ARHGAP31: variants seen among roughly 807,000 people sequenced by gnomAD.
ARHGAP31 encodes rho GTPase-activating protein 31.
ARHGAP31 carries 34 observed loss-of-function variants against 113.9 expected under a neutral mutation model. That is an observed-to-expected ratio of 0.30 (90% CI 0.23 to 0.40). The LOEUF is 0.40. ARHGAP31 is among the 10% of genes least tolerant of loss of function. The pLI is 1.00. For synonymous variants in ARHGAP31, 650 were observed against 684.8 expected, an observed-to-expected ratio of 0.95 and a Z score of 0.79; for missense variants, 1,548 against 1,767.1, an observed-to-expected ratio of 0.88 and a Z score of 2.22.
intron 1 of ARHGAP31, among the ~76,000 whole-genome samples, chr3:119,330,663 C>T (rs2079884568): frequency 6.6e-6 from 1 of 152,216 alleles, no homozygotes; most frequent in Admixed American, 6.5e-5. Context: ...CTCATCTAAA[C>T]AGTGAAGCAA....
Position 119,390,752 on chromosome 3 carries a change from C to T in ARHGAP31, c.683-33C>T, listed in dbSNP as rs755187802. On this transcript the variant is annotated intron_variant, in intron 6 of 11. Coordinates refer to ENST00000264245, the MANE Select transcript of ARHGAP31 (RefSeq NM_020754.4). ...TGGATGGATGTGATGGGCAGGCCTC[C>T]TCCAACACTGAGCTCTTCCATTGCC... The T allele has an allele frequency of 7.9e-5, 127 of 1,605,304 alleles. No homozygotes were observed. The East Asian group carries it at 2.8e-3, about 35-fold the overall frequency.
chr3:119,308,287 T>C (rs2107596178), intron 1 of ARHGAP31, among the ~76,000 whole-genome samples: 1 of 152,342 alleles, frequency 6.6e-6, no homozygotes, highest in Non-Finnish European at 1.5e-5. Context: ...CATAACAAAT[T>C]ACCACAAACT....
rs1400666120 is a variant in ARHGAP31, at chr3:119,414,177, G to A, written c.2248G>A (p.Ala750Thr). The A allele has an allele frequency of 5.0e-6, 8 of 1,613,986 alleles. No individual in the cohort carries two copies. The highest frequency in any genetic ancestry group is 3.3e-5 in the South Asian group (3 of 91,088). Residue 750 changes from alanine (A) to threonine (T), a missense_variant, in exon 12 of 12, where the codon GCC (alanine) becomes ACC (threonine). Transcript: ENST00000264245. ...TGAGCAGGGCCTGCACCCAGACCTC[G>A]CCAGCCTGGCTCCTCTGGAAATAGT... ...EPEQGLHPDLASLAPLEIVPF... is the reference protein window; with the variant it reads ...EPEQGLHPDLTSLAPLEIVPF...
chr3:119,383,261 T>C, intron 6 of ARHGAP31, 35 bp downstream of exon 6: 3 of 1,613,074 alleles, frequency 1.9e-6, no homozygotes, highest in Non-Finnish European at 2.5e-6. Context: ...TCCACCAGCT[T>C]ATCCTTCTTT....
chr3:119,352,511 C>T (rs1386940798), intron 1 of ARHGAP31, among the ~76,000 whole-genome samples: 3 of 152,178 alleles, frequency 2.0e-5, no homozygotes, highest in East Asian at 1.9e-4. Flanking sequence ...CTTTCGTTGA[C>T]GAACCACGAG....
At chr3:119,360,089 C>CCTG (rs1240817062) in intron 1 of ARHGAP31, among the ~76,000 whole-genome samples, 1 of 152,180 alleles carries the variant, frequency 6.6e-6, no homozygotes, top group Non-Finnish European at 1.5e-5. Flanking sequence ...CTGCCTCTTC[C>CCTG]CTGCTTTCTC....
chr3:119,391,625 A>G (rs886698850), intron 7 of ARHGAP31, among the ~76,000 whole-genome samples: 3 of 102,474 alleles, frequency 2.9e-5, no homozygotes, highest in African/African-American at 1.2e-4. Context: ...CATATCCCAT[A>G]GTAGAAAGAA....
chr3:119,334,417 G>A (rs1367449720), intron 1 of ARHGAP31, among the ~76,000 whole-genome samples: 3 of 152,174 alleles, frequency 2.0e-5, no homozygotes, highest in African/African-American at 7.2e-5. Context: ...CATCCAAATA[G>A]TAGCTCTCAG....
chr3:119,391,071 G>T, intron 7 of ARHGAP31, 88 bp downstream of exon 7: 1 of 1,443,864 alleles, frequency 6.9e-7, no homozygotes. Context: ...GACCAAGATG[G>T]CAGTGTGGGT....
At chr3:119,300,887 C>G (rs1328038561) in intron 1 of ARHGAP31, among the ~76,000 whole-genome samples, 13 of 151,340 alleles carry the variant, frequency 8.6e-5, no homozygotes, top group Non-Finnish European at 2.9e-5. Context: ...ACAGCCTCAG[C>G]TGAGTCCAGC....
Position 119,388,460 on chromosome 3 carries a change from T to C in ARHGAP31, c.683-2325T>C, listed in dbSNP as rs114472271. On this transcript the variant is annotated intron_variant, in intron 6 of 11. Transcript: ENST00000264245. ...TTGTTCTCAGTGCCTTGGGAAAGCA[T>C]TGGAGGGTTTTGAGCAGGCCAGTGC... 2.1e-3 allele frequency among the ~76,000 whole-genome samples: 318 copies of C among 151,998 alleles called. 1 individual carries two copies. The highest frequency in any genetic ancestry group is 7.0e-3 in the African/African-American group (291 of 41,458).
At chr3:119,316,584 G>A in intron 1 of ARHGAP31, among the ~76,000 whole-genome samples, 1 of 152,220 alleles carries the variant, frequency 6.6e-6, no homozygotes, top group East Asian at 1.9e-4. Context: ...TGAGTTGGGG[G>A]CTGTTGGTGA....
intron 6 of ARHGAP31, among the ~76,000 whole-genome samples, chr3:119,390,306 A>C (rs927693480): frequency 1.3e-5 from 2 of 152,256 alleles, no homozygotes; most frequent in African/African-American, 4.8e-5. Context: ...AGAGGTTCTA[A>C]CTTGAAATGG....
Position 119,413,999 on chromosome 3 carries a change from G to C in ARHGAP31, c.2070G>C (p.Leu690=), listed in dbSNP as rs745829219. The C allele has an allele frequency of 6.2e-7, 1 of 1,614,120 alleles. No homozygotes were observed. Among genetic ancestry groups the C allele is most frequent in the Non-Finnish European group, 8.5e-7 (1 of 1,180,016 alleles). ...SPIQPILESS[L]GPFIPSEPPG... ...TTCAGCCTATTCTCGAGTCGAGTCT[G>C]GGGCCCTTTATTCCCTCAGAGCCTC... The change falls in exon 12 of 12, where the codon CTG becomes CTC. Residue 690 remains leucine, a synonymous_variant. Coordinates refer to ENST00000264245, the MANE Select transcript of ARHGAP31 (RefSeq NM_020754.4).
chr3:119,368,315 G>T, intron 2 of ARHGAP31, 57 bp from the exon 3 acceptor site: 1 of 1,610,342 alleles, frequency 6.2e-7, no homozygotes, highest in Non-Finnish European at 8.5e-7. Context: ...CCAAGCAGCT[G>T]CTGACATGGA....
intron 1 of ARHGAP31, among the ~76,000 whole-genome samples, chr3:119,309,326 T>C (rs912767037): frequency 6.6e-6 from 1 of 152,202 alleles, no homozygotes; most frequent in East Asian, 1.9e-4. Context: ...GTAATATGTG[T>C]TCAGCCTTGC....
intron 1 of ARHGAP31, among the ~76,000 whole-genome samples, chr3:119,299,617 A>G (rs2107591687): frequency 6.6e-6 from 1 of 152,346 alleles, no homozygotes; most frequent in Non-Finnish European, 1.5e-5. Context: ...TTCTTTATCT[A>G]TTTAACAAAT....
chr3:119,390,300 G>A (rs191535882), intron 6 of ARHGAP31, among the ~76,000 whole-genome samples: 1 of 152,336 alleles, frequency 6.6e-6, no homozygotes, highest in East Asian at 1.9e-4. Context: ...AAAAGTAGAG[G>A]TTCTAACTTG....
At chr3:119,316,764 C>A (rs527845291) in intron 1 of ARHGAP31, among the ~76,000 whole-genome samples, 18 of 152,338 alleles carry the variant, frequency 1.2e-4, no homozygotes, top group African/African-American at 4.1e-4. Context: ...CCTGCTTCAG[C>A]CAAAGAACTC....
Sources: gnomAD v4.1 joint callset for allele counts (sites outside exome capture counted in the v4.1 genomes callset) on GRCh38, gnomAD v4.1.1 for gene constraint, MANE v1.5 for transcripts, NCBI Gene and HGNC (gene_info 2026-07-23, HGNC 2026-07-21) for gene names.